Variants in MICU1 observed in about 807,000 individuals in gnomAD.
MICU1 encodes the protein mitochondrial calcium uptake 1.
A neutral mutation model predicts 56.8 loss-of-function variants in MICU1; 45 were observed. That is an observed-to-expected ratio of 0.79 (90% CI 0.62 to 1.02). The LOEUF (loss-of-function observed/expected upper bound fraction) is 1.02, where lower values mean the gene tolerates loss of function less well. Ranked by LOEUF, MICU1 falls within the 50% of genes least tolerant of loss-of-function variation. MICU1 has a pLI of 0.00. For synonymous variants in MICU1, 186 were observed against 195.1 expected (o/e 0.95, Z 0.39); for missense variants, 504 against 587.1 (o/e 0.86, Z 1.46).
chr10:72,376,872 A>C (rs560417858), intron 10 of MICU1, among the ~76,000 whole-genome samples: 1 of 151,048 alleles, frequency 6.6e-6, no homozygotes, highest in Non-Finnish European at 1.5e-5. Flanking sequence ...TTTATGCCAT[A>C]TATATTTTTA....
At chr10:72,590,764 G>A (rs1354137281) in intron 1 of MICU1, among the ~76,000 whole-genome samples, 1 of 151,624 alleles carries the variant, frequency 6.6e-6, no homozygotes, top group Admixed American at 6.6e-5. Context: ...AGTGAGCTGA[G>A]ATCGCGCCAC....
At chr10:72,552,584 T>G (rs1453929528) in intron 3 of MICU1, among the ~76,000 whole-genome samples, 1 of 152,154 alleles carries the variant, frequency 6.6e-6, no homozygotes, top group Non-Finnish European at 1.5e-5. Context: ...AGATGGAGTT[T>G]TGTTCTTGTT....
At chr10:72,514,711 A>G (rs1867592720) in intron 5 of MICU1, among the ~76,000 whole-genome samples, 1 of 152,166 alleles carries the variant, frequency 6.6e-6, no homozygotes, top group Admixed American at 6.5e-5. Flanking sequence ...ACTTAGCAAG[A>G]CCATTTACAA....
At chr10:72,431,221 C>T (rs1294065824) in intron 8 of MICU1, among the ~76,000 whole-genome samples, 1 of 151,828 alleles carries the variant, frequency 6.6e-6, no homozygotes, top group African/African-American at 2.4e-5. Context: ...ACCTCTGCCT[C>T]CCAGGTTCAA....
At chr10:72,519,748 A>G (rs955517699) in intron 5 of MICU1, among the ~76,000 whole-genome samples, 3 of 152,228 alleles carry the variant, frequency 2.0e-5, no homozygotes, top group Non-Finnish European at 2.9e-5. Flanking sequence ...ACTCAAGTAT[A>G]TGAAGCCAAA....
intron 8 of MICU1, among the ~76,000 whole-genome samples, chr10:72,457,869 C>T (rs1195367338): frequency 6.6e-6 from 1 of 152,060 alleles, no homozygotes; most frequent in East Asian, 1.9e-4. Flanking sequence ...CAAAGAAATT[C>T]CATGAAAAGT....
chr10:72,574,549 A>G (rs996309748), intron 1 of MICU1, among the ~76,000 whole-genome samples: 30 of 152,118 alleles, frequency 2.0e-4, no homozygotes. Flanking sequence ...AAAAATAAAG[A>G]TGGGGAAATA....
chr10:72,493,567 C>G (rs1866738379), intron 6 of MICU1, among the ~76,000 whole-genome samples: 2 of 152,148 alleles, frequency 1.3e-5, no homozygotes, highest in African/African-American at 4.8e-5. Flanking sequence ...ATTCTCCCAC[C>G]TCAGCCTCCT....
Position 72,503,596 on chromosome 10 carries a change from A to T in MICU1, c.652+4559T>A, listed in dbSNP as rs72642244. Among the ~76,000 whole-genome samples, 346 of 152,250 alleles carry T rather than the reference A, an allele frequency of 2.3e-3. 6 individuals carry two copies. In the East Asian group the frequency reaches 0.041, roughly 18 times the overall value. ...AAATCCTAAAGGCATGTTATAATCAAATGTTTAAAACCAGTAGTAATATCA... is the reference window on the plus strand; with the variant it reads ...AAATCCTAAAGGCATGTTATAATCATATGTTTAAAACCAGTAGTAATATCA... On this transcript the variant is annotated intron_variant, in intron 6 of 11. Coordinates refer to ENST00000361114, the MANE Select transcript of MICU1 (RefSeq NM_001195518.2).
intron 9 of MICU1, among the ~76,000 whole-genome samples, chr10:72,414,895 C>G (rs1863932874): frequency 6.6e-6 from 1 of 152,086 alleles, no homozygotes; most frequent in South Asian, 2.1e-4. Flanking sequence ...CTACCAGAAG[C>G]CAATCTAATT....
intron 1 of MICU1, among the ~76,000 whole-genome samples, chr10:72,602,206 T>C (rs1470389192): frequency 6.6e-6 from 1 of 150,946 alleles, no homozygotes; most frequent in Non-Finnish European, 1.5e-5. Context: ...ATCCTAGCAA[T>C]TTGGGAGGCT....
intron 3 of MICU1, among the ~76,000 whole-genome samples, chr10:72,562,136 T>A (rs149784165): frequency 6.8e-6 from 1 of 147,320 alleles, no homozygotes; most frequent in African/African-American, 2.5e-5. Context: ...GTTGTGTTAA[T>A]TACATAAAAT....
chr10:72,368,156 G>C lies in MICU1; in HGVS notation c.*39C>G, dbSNP rs776317997. Reference sequence around the variant, plus strand: ...CCGAGACTCTGCGGAGGGGGTCCAGGGTACTGGGGGTGGAGGGGTCCCCTC... The same window carrying C: ...CCGAGACTCTGCGGAGGGGGTCCAGCGTACTGGGGGTGGAGGGGTCCCCTC... On this transcript the variant is annotated 3_prime_UTR_variant, in exon 12 of 12. Transcript: ENST00000361114. 143 of 1,588,762 alleles carry C rather than the reference G, an allele frequency of 9.0e-5. No homozygotes were observed. Among genetic ancestry groups the C allele is most frequent in the Non-Finnish European group, 1.2e-4 (141 of 1,163,058 alleles).
intron 1 of MICU1, among the ~76,000 whole-genome samples, chr10:72,595,465 GAAAAAAAGA>G (rs1364286888): frequency 2.2e-4 from 19 of 84,828 alleles, no homozygotes; most frequent in African/African-American, 7.1e-4. Flanking sequence ...AAAAAAAAAA[GAAAAAAAGA>G]AAAAAAAAAA....
intron 2 of MICU1, 33 bp downstream of exon 2, chr10:72,566,600 T>TA (rs1564938061): frequency 1.3e-6 from 2 of 1,591,496 alleles, no homozygotes; most frequent in South Asian, 1.1e-5. Flanking sequence ...AATAAAAGTA[T>TA]ACGCAAGAAC....
At chr10:72,409,034 T>C (rs1178893941) in intron 9 of MICU1, among the ~76,000 whole-genome samples, 1 of 152,132 alleles carries the variant, frequency 6.6e-6, no homozygotes, top group Non-Finnish European at 1.5e-5. Context: ...TAGGGGCTAC[T>C]GGGAATTCCT....
In MICU1 at chr10:72,408,032, C is replaced by A; in HGVS notation, c.1077G>T (p.Leu359=). The change falls in exon 10 of 12, where the codon CTG becomes CTT. Residue 359 remains leucine, a synonymous_variant. Transcript: ENST00000361114. ...AGAAGTTCTCCACCTCCTGAAATGT[C>A]AGACCCTGCAAGAGGAGAGACAGCA... The part of the protein sequence containing the change: ...LKKHFKEGKG[L]TFQEVENFFT... 1 of 1,611,286 alleles carries A rather than the reference C, an allele frequency of 6.2e-7. No homozygotes were observed. The highest frequency in any genetic ancestry group is 8.5e-7 in the Non-Finnish European group (1 of 1,177,780).
At position 72,458,744 on chromosome 10, in the gene MICU1, CTGTTGCCCAGGCTGGA is replaced by C. The variant is rs1443269945; in HGVS notation, c.933+16340_933+16355del. On this transcript the variant is annotated intron_variant, in intron 8 of 11. Transcript: ENST00000361114. ...TTTTAAATAAATACAGGGTCTCACT[CTGTTGCCCAGGCTGGA>C]GTCCAGTGTCACGATCACGGCTCAC... 3.4e-5 allele frequency among the ~76,000 whole-genome samples: 5 copies of C among 148,986 alleles called. No homozygotes were observed. The South Asian group carries it at 6.3e-4, about 19-fold the overall frequency.
chr10:72,575,174 C>T (rs1281059007), intron 1 of MICU1, among the ~76,000 whole-genome samples: 3 of 152,160 alleles, frequency 2.0e-5, no homozygotes, highest in Non-Finnish European at 4.4e-5. Context: ...CATGGGATTA[C>T]AGGTGTGAGC....
Sources: allele counts gnomAD v4.1 joint callset (sites outside exome capture counted in the v4.1 genomes callset), GRCh38; gene constraint gnomAD v4.1.1; transcripts MANE v1.5; gene names NCBI Gene and HGNC (gene_info 2026-07-23, HGNC 2026-07-21).